GALP: variants seen among roughly 807,000 people sequenced by gnomAD.
The protein encoded by GALP is galanin like peptide.
A neutral mutation model predicts 15.2 loss-of-function variants in GALP; 12 were observed. That is an observed-to-expected ratio of 0.79 (90% CI 0.51 to 1.28). GALP has a LOEUF of 1.28. Ranked by LOEUF, GALP falls within the 50% of genes most tolerant of loss-of-function variation. The pLI is 0.00. For synonymous variants in GALP, 58 were observed against 55.1 expected (o/e 1.05, Z -0.23); for missense variants, 161 against 145.6 (o/e 1.11, Z -0.55).
intron 5 of GALP, among the ~76,000 whole-genome samples, chr19:56,184,639 A>G (rs942630081): frequency 6.6e-6 from 1 of 151,416 alleles, no homozygotes; most frequent in Non-Finnish European, 1.5e-5. Context: ...GCCCACCACC[A>G]CGCCTGGCTA....
At chr19:56,180,789 G>A (rs1036643148) in intron 3 of GALP, among the ~76,000 whole-genome samples, 155 bp downstream of exon 3, 6 of 151,954 alleles carry the variant, frequency 3.9e-5, no homozygotes, top group Non-Finnish European at 5.9e-5. Flanking sequence ...TAAGCAGAGC[G>A]ATGGGTGTGT....
chr19:56,182,124 G>A, intron 3 of GALP, 48 bp from the exon 4 acceptor site: 1 of 1,337,556 alleles, frequency 7.5e-7, no homozygotes, highest in Non-Finnish European at 1.1e-6. Flanking sequence ...TGTTTCTTCA[G>A]TTCTACTTAA....
At chr19:56,183,572 C>T (rs1278374544) in intron 5 of GALP, among the ~76,000 whole-genome samples, 1 of 152,202 alleles carries the variant, frequency 6.6e-6, no homozygotes, top group African/African-American at 2.4e-5. Context: ...AAACCTCTCA[C>T]TTTGACCTCA....
chr19:56,178,228 C>G (rs2032499076), intron 2 of GALP, among the ~76,000 whole-genome samples: 1 of 151,292 alleles, frequency 6.6e-6, no homozygotes, highest in Non-Finnish European at 1.5e-5. Flanking sequence ...CTTTGAGAGG[C>G]CAAGATTAGA....
rs924941852 is a variant in GALP, at chr19:56,183,043, C to G, written c.218-92C>G. 4.4e-5 allele frequency: 39 copies of G among 889,216 alleles called. No homozygotes were observed. In the East Asian group the frequency reaches 9.0e-4, roughly 20 times the overall value. 55.1% of individuals were successfully genotyped at this position (889,216 alleles called of 1,614,324 possible). On this transcript the variant is annotated intron_variant, in intron 4 of 5. Transcript: ENST00000357330. ...CACCCTCGGGAAGGACCCAGTGTCT[C>G]TTGCTCCCGTCTTTGTGTCTGTGTG...
chr19:56,179,871 C>T (rs531812550), intron 2 of GALP, among the ~76,000 whole-genome samples: 47 of 151,848 alleles, frequency 3.1e-4, no homozygotes, highest in Admixed American at 1.6e-3. Context: ...GTGCAATCCC[C>T]GCTCACTGCA....
intron 1 of GALP, among the ~76,000 whole-genome samples, chr19:56,176,587 G>C (rs113230770): frequency 2.7e-5 from 4 of 145,706 alleles, no homozygotes; most frequent in Admixed American, 2.1e-4. Flanking sequence ...CAGGAGGGCA[G>C]AGGGGTGGAT....
chr19:56,176,649 C>T (rs1434303810), intron 1 of GALP, among the ~76,000 whole-genome samples: 1 of 132,916 alleles, frequency 7.5e-6, no homozygotes, highest in Admixed American at 7.7e-5. Flanking sequence ...GGGGTGGATC[C>T]AAGCTGCACT....
At chr19:56,179,026 A>T (rs1288629057) in intron 2 of GALP, among the ~76,000 whole-genome samples, 1 of 151,952 alleles carries the variant, frequency 6.6e-6, no homozygotes, top group Non-Finnish European at 1.5e-5. Flanking sequence ...AAAATACAAA[A>T]ATTAGCTGGG....
At chr19:56,183,743 ACGC>A (rs2032607332) in intron 5 of GALP, among the ~76,000 whole-genome samples, 1 of 150,762 alleles carries the variant, frequency 6.6e-6, no homozygotes, top group Non-Finnish European at 1.5e-5. Context: ...GATTACAGGC[ACGC>A]GCCACCATGT....
chr19:56,183,859 A>G (rs887412237), intron 5 of GALP, among the ~76,000 whole-genome samples: 21 of 151,606 alleles, frequency 1.4e-4, no homozygotes, highest in African/African-American at 4.4e-4. Flanking sequence ...CGGCCTCCCA[A>G]AGTGTTGGGA....
In GALP at chr19:56,183,148, C is replaced by T. The variant is rs1486011723; in HGVS notation, c.231C>T (p.Tyr77=). The T allele has an allele frequency of 2.5e-6, 4 of 1,613,154 alleles. No homozygotes were observed. The highest frequency in any genetic ancestry group is 3.4e-6 in the Non-Finnish European group (4 of 1,179,156). ...TTTTGTTTCTAGACGGGCTCCCCTA[C>T]TCCCACCCTCCACAGCCCTCCAAGA... ...DLWKAIDGLP[Y]SHPPQPSKRN... is the part of the protein sequence containing the mutation. The change falls in exon 5 of 6, where the codon TAC becomes TAT. Residue 77 remains tyrosine (Y), a synonymous_variant. Coordinates refer to ENST00000357330, the MANE Select transcript of GALP (RefSeq NM_033106.4).
intron 2 of GALP, among the ~76,000 whole-genome samples, chr19:56,178,067 T>C (rs1749647449): frequency 6.6e-6 from 1 of 151,870 alleles, no homozygotes; most frequent in South Asian, 2.1e-4. Context: ...TGACGTAATG[T>C]AGAGGGTAAT....
intron 3 of GALP, 94 bp from the exon 4 acceptor site, chr19:56,182,078 G>A (rs1306309416): frequency 7.9e-6 from 7 of 881,526 alleles, no homozygotes; most frequent in East Asian, 2.4e-5. Flanking sequence ...GAGGCGCTGC[G>A]TCCGGTGAGC....
At chr19:56,176,965 A>G (rs1031349358) in intron 1 of GALP, 105 bp from the exon 2 acceptor site, 1 of 609,526 alleles carries the variant, frequency 1.6e-6, no homozygotes, top group East Asian at 2.8e-5. Flanking sequence ...CCATTTTTGT[A>G]TCTCGATGAT....
intron 2 of GALP, among the ~76,000 whole-genome samples, chr19:56,177,640 G>A (rs1263668778): frequency 6.6e-6 from 1 of 152,146 alleles, no homozygotes; most frequent in Non-Finnish European, 1.5e-5. Flanking sequence ...ACAGGTGTCA[G>A]CCACGGCACC....
chr19:56,182,357 T>G, intron 4 of GALP, 105 bp downstream of exon 4: 6 of 790,816 alleles, frequency 7.6e-6, no homozygotes, highest in Non-Finnish European at 1.2e-5. Context: ...ACCCTGCCGC[T>G]TACTATTTGG....
At chr19:56,180,321 AG>A (rs1280127611) in intron 2 of GALP, among the ~76,000 whole-genome samples, 1 of 152,210 alleles carries the variant, frequency 6.6e-6, no homozygotes, top group African/African-American at 2.4e-5. Flanking sequence ...TACCTGTTGA[AG>A]AACAATTCCC....
At chr19:56,177,222 A>C (rs1568576236) in intron 2 of GALP, 27 bp downstream of exon 2, 1 of 1,575,474 alleles carries the variant, frequency 6.3e-7, no homozygotes. Flanking sequence ...TTCCTCGGAA[A>C]CAACAGTGTC....
Sources: gnomAD v4.1 joint callset for allele counts (sites outside exome capture counted in the v4.1 genomes callset) on GRCh38, gnomAD v4.1.1 for gene constraint, MANE v1.5 for transcripts, NCBI Gene and HGNC (gene_info 2026-07-23, HGNC 2026-07-21) for gene names.